The following TBC1D24 variants were observed in gnomAD, a reference collection of about 807,000 sequenced individuals.
TBC1D24 encodes the protein Infantile myoclonic epilepsy.
In TBC1D24, 47 loss-of-function variants were observed where a neutral mutation model predicts 50.7. The observed-to-expected ratio is 0.93, with a 90% CI of 0.73 to 1.18. The LOEUF is 1.18. TBC1D24 is among the 50% of genes most tolerant of loss of function. The pLI, the probability that TBC1D24 is intolerant of heterozygous loss-of-function variation, is 0.00. For synonymous variants in TBC1D24, 324 were observed against 335.2 expected, an observed-to-expected ratio of 0.97 and a Z score of 0.36; for missense variants, 688 against 766.5, an observed-to-expected ratio of 0.90 and a Z score of 1.21.
Position 2,500,274 on chromosome 16 carries a change from C to G in TBC1D24, c.1309C>G (p.Pro437Ala). 6.2e-7 allele frequency: 1 copy of G among 1,603,900 alleles called. No homozygotes were observed. Among genetic ancestry groups the G allele is most frequent in the Non-Finnish European group, 8.5e-7 (1 of 1,176,068 alleles). The change falls in exon 7 of 8, where the codon CCT (proline) becomes GCT (alanine). Residue 437 changes from proline (P) to alanine (A), a missense_variant. Transcript: ENST00000646147. The surrounding 1 kb of genome is among the most constrained non-coding windows in gnomAD (Gnocchi z 8.0). ...TGECFVFRLQ[P>A]EVQRYEWVVI... is the part of the protein sequence containing the mutation. ...CACTCCCCTTCCACCCCAGCTGCAG[C>G]CTGAGGTGCAGCGCTACGAGTGGGT...
chr16:2,488,707 A>C (rs1482412704), intron 1 of TBC1D24, among the ~76,000 whole-genome samples: 3 of 146,866 alleles, frequency 2.0e-5, no homozygotes, highest in African/African-American at 7.5e-5. Flanking sequence ...ATGGGGTTTC[A>C]CCATGTTAGC....
At chr16:2,497,196 G>T in intron 2 of TBC1D24, 83 bp downstream of exon 2, 1 of 1,566,666 alleles carries the variant, frequency 6.4e-7, no homozygotes, top group Non-Finnish European at 8.7e-7. Flanking sequence ...CATCCTGCCG[G>T]CCTCCAGGCG....
At chr16:2,498,631 G>A (rs2065764692) in intron 4 of TBC1D24, among the ~76,000 whole-genome samples, 1 of 152,228 alleles carries the variant, frequency 6.6e-6, no homozygotes, top group Non-Finnish European at 1.5e-5. Context: ...AGACGCCTGG[G>A]AGGCAGGATC....
chr16:2,497,091 G>T lies in TBC1D24; in HGVS notation c.943G>T (p.Gly315Cys). 1 of 1,606,484 alleles carries T rather than the reference G, an allele frequency of 6.2e-7. No individual in the cohort carries two copies. The change falls in exon 2 of 8, where the codon GGC becomes TGC. Residue 315 changes from glycine (G) to cysteine (C), a missense_variant. By Grantham distance (159) the Gly-to-Cys change is radical. Transcript: ENST00000646147. ...CAATGAGAAAGCCCTGAAGCAGAAG[G>T]GCATCACCGTGAAGCAGAAGAGGTA... ...MANEKALKQK[G>C]ITVKQKSVSL...
intron 1 of TBC1D24, among the ~76,000 whole-genome samples, chr16:2,488,822 A>G (rs1596961137): frequency 8.1e-6 from 1 of 122,822 alleles, no homozygotes; most frequent in Admixed American, 8.7e-5. Flanking sequence ...GCACTTTGGG[A>G]GGCCGAGGCG....
At chr16:2,493,521 G>A (rs1041696204) in intron 1 of TBC1D24, 1 of 152,150 alleles carries the variant, frequency 6.6e-6, no homozygotes, top group African/African-American at 2.4e-5. Context: ...ACAGTGTCTC[G>A]CAGACGTACG....
At chr16:2,478,188 C>G (rs1356863060) in intron 1 of TBC1D24, 1 of 152,422 alleles carries the variant, frequency 6.6e-6, no homozygotes, top group Non-Finnish European at 1.5e-5. Context: ...CGGGGGCTCA[C>G]ACCTGCAAGC....
At chr16:2,492,042 G>C (rs1163802154) in intron 1 of TBC1D24, among the ~76,000 whole-genome samples, 2 of 150,372 alleles carry the variant, frequency 1.3e-5, no homozygotes, top group South Asian at 2.1e-4. Flanking sequence ...GTCTCATTAT[G>C]TTGCCCAGGC....
Position 2,500,823 on chromosome 16 carries a change from G to A in TBC1D24, c.1545G>A (p.Ala515=), listed in dbSNP as rs747350771. ...CTGCAGGGGGAGGAGGCGGCCAGGC[G>A]CTCTACATCGATGGGGACCTGAACC... is the stretch of plus-strand genomic sequence containing the variant. The part of the protein sequence containing the change: ...CLIVGGGGGQ[A]LYIDGDLNRG... The change falls in exon 8 of 8, where the codon GCG becomes GCA. Residue 515 remains alanine, a synonymous_variant. Transcript: ENST00000646147. This position sits in a 1 kb window ranked among gnomAD's most constrained non-coding sequence, Gnocchi z 8.0. 21 of 1,606,610 alleles carry A rather than the reference G, an allele frequency of 1.3e-5. No homozygotes were observed. In the South Asian group the frequency reaches 1.8e-4, roughly 13 times the overall value.
rs1411577427 is a variant in TBC1D24 at position 2,503,933 on chromosome 16, G to A, written c.*2975G>A. On this transcript the variant is annotated 3_prime_UTR_variant, in exon 8 of 8. Coordinates refer to ENST00000646147, the MANE Select transcript of TBC1D24 (RefSeq NM_001199107.2). The stretch of plus-strand genomic sequence containing the variant: ...AACATTTATTTTTAAAACAACAATT[G>A]CACCTAATTTAAAATAGTTTATTAA... 6.6e-6 allele frequency: 1 copy of A among 152,008 alleles called. No individual in the cohort carries two copies. Among genetic ancestry groups the A allele is most frequent in the Non-Finnish European group, 1.5e-5 (1 of 68,006 alleles). 9.4% of individuals were successfully genotyped at this position (152,008 alleles called of 1,614,324 possible).
At chr16:2,493,421 G>A (rs1017489237) in intron 1 of TBC1D24, among the ~76,000 whole-genome samples, 6 of 152,146 alleles carry the variant, frequency 3.9e-5, no homozygotes, top group African/African-American at 1.4e-4. Context: ...TTACAGGCGT[G>A]AGCCACCGCG....
At chr16:2,478,423 G>A (rs958686988) in intron 1 of TBC1D24, 2 of 152,360 alleles carry the variant, frequency 1.3e-5, no homozygotes, top group Admixed American at 6.5e-5. Flanking sequence ...CATGCAGAGT[G>A]TGGAGGGAGG....
In TBC1D24 at chr16:2,483,103, A is replaced by AG. The variant is rs2095330747; in HGVS notation, c.-116+7940dup. On this transcript the variant is annotated intron_variant, in intron 1 of 7. Transcript: ENST00000646147. The surrounding 1 kb of genome is among the most constrained non-coding windows in gnomAD (Gnocchi z 4.0). ...CCCCAGGAGGTGAGAGCCAGGACTG[A>AG]GGGGGGGCCTTGGTCTGTGGTGGGA... is the stretch of plus-strand genomic sequence containing the variant. 6.5e-6 allele frequency: 1 copy of AG among 152,852 alleles called. No homozygotes were observed. The allele number at this position is 152,852 out of a possible 1,614,324, so 9.5% of individuals were successfully genotyped here. A position where few individuals can be genotyped will look rare whatever the true frequency, so the allele number is the denominator to read the frequency against.
rs1454961116 is a variant in TBC1D24 at position 2,487,355 on chromosome 16, G to C, written c.-115-8679G>C. Among the ~76,000 whole-genome samples the C allele has an allele frequency of 6.6e-6, 1 of 152,228 alleles. No homozygotes were observed. Among genetic ancestry groups the C allele is most frequent in the East Asian group, 1.9e-4 (1 of 5,194 alleles). ...ACTAACTGCAGGACGAGGGAGCCGC[G>C]GTCGTATGCTGCCTCCTCACGTTTG... On this transcript the variant is annotated intron_variant, in intron 1 of 7. Transcript: ENST00000646147. The surrounding 1 kb of genome is among the most constrained non-coding windows in gnomAD (Gnocchi z 4.1).
chr16:2,500,815 G>T lies in TBC1D24; in HGVS notation c.1537G>T (p.Gly513Cys). Residue 513 changes from glycine (G) to cysteine (C), a missense_variant, in exon 8 of 8, where the codon GGC becomes TGC. Transcript: ENST00000646147. The surrounding 1 kb of genome is among the most constrained non-coding windows in gnomAD (Gnocchi z 8.0). ...TGAGCATCCTGCAGGGGGAGGAGGC[G>T]GCCAGGCGCTCTACATCGATGGGGA... ...SDCLIVGGGG[G>C]QALYIDGDLN... The T allele has an allele frequency of 1.2e-6, 2 of 1,605,450 alleles. No individual in the cohort carries two copies. The highest frequency in any genetic ancestry group is 1.7e-6 in the Non-Finnish European group (2 of 1,179,650).
At chr16:2,491,514 G>A (rs1036444968) in intron 1 of TBC1D24, among the ~76,000 whole-genome samples, 1 of 150,836 alleles carries the variant, frequency 6.6e-6, no homozygotes, top group African/African-American at 2.4e-5. Flanking sequence ...TTAACCTCCT[G>A]AGTAGCTGGG....
rs750672283 is a variant in TBC1D24 at position 2,500,316 on chromosome 16, G to C, written c.1351G>C (p.Glu451Gln). ...RYEWVVIKHP[E>Q]LTKPPPLMAA... The stretch of plus-strand genomic sequence containing the variant: ...CGAGTGGGTGGTGATCAAGCACCCC[G>C]AGCTGACCAAGCCCCCACCCTTGAT... The change falls in exon 7 of 8, where the codon GAG becomes CAG. Residue 451 changes from glutamate to glutamine, a missense_variant. Transcript: ENST00000646147. The surrounding 1 kb of genome is among the most constrained non-coding windows in gnomAD (Gnocchi z 8.0). 6.2e-7 allele frequency: 1 copy of C among 1,610,988 alleles called. No homozygotes were observed. The highest frequency in any genetic ancestry group is 8.5e-7 in the Non-Finnish European group (1 of 1,179,228).
In TBC1D24 at chr16:2,500,559, G is replaced by T; in HGVS notation, c.1525+69G>T. On this transcript the variant is annotated intron_variant, in intron 7 of 7. Transcript: ENST00000646147. The surrounding 1 kb of genome is among the most constrained non-coding windows in gnomAD (Gnocchi z 8.0). ...CGGGCAGCTGAAGCTGCTGCACCCAGCCCTCCCTGACCGGGGTGGCAGAGA... is the reference window on the plus strand; with the variant it reads ...CGGGCAGCTGAAGCTGCTGCACCCATCCCTCCCTGACCGGGGTGGCAGAGA... 6.8e-7 allele frequency: 1 copy of T among 1,478,686 alleles called. No homozygotes were observed. The highest frequency in any genetic ancestry group is 9.1e-7 in the Non-Finnish European group (1 of 1,098,290). The allele number at this position is 1,478,686 out of a possible 1,614,324, so 91.6% of individuals were successfully genotyped here. A position where few individuals can be genotyped will look rare whatever the true frequency, so the allele number is the denominator to read the frequency against.
chr16:2,497,347 G>A (rs1411047327), intron 2 of TBC1D24, among the ~76,000 whole-genome samples: 1 of 152,244 alleles, frequency 6.6e-6, no homozygotes, highest in East Asian at 1.9e-4. Flanking sequence ...GATGAAAGCT[G>A]ATGCTGGCCA....
Sources: allele counts gnomAD v4.1 joint callset (sites outside exome capture counted in the v4.1 genomes callset), GRCh38; gene constraint gnomAD v4.1.1; non-coding constraint Gnocchi (gnomAD v3.1); transcripts MANE v1.5; gene names NCBI Gene and HGNC (gene_info 2026-07-23, HGNC 2026-07-21).